The following LYPD6 variants were observed in gnomAD, a reference collection of about 807,000 sequenced individuals.
LYPD6 encodes the protein ly6/PLAUR domain-containing protein 6.
LYPD6 carries 15 observed loss-of-function variants against 22.7 expected under a neutral mutation model. That is an observed-to-expected ratio of 0.66 (90% CI 0.44 to 1.02). The LOEUF is 1.02. Ranked by LOEUF, LYPD6 falls within the 50% of genes least tolerant of loss-of-function variation. The probability of loss-of-function intolerance (pLI) is 0.00; values close to 1 mark genes in which losing one functional copy is unlikely to be tolerated. For synonymous variants in LYPD6, 72 were observed against 77.5 expected (o/e 0.93, Z 0.37); for missense variants, 189 against 208.4 (o/e 0.91, Z 0.57).
At chr2:149,426,265 C>A (rs2105138205) in intron 1 of LYPD6, among the ~76,000 whole-genome samples, 1 of 152,246 alleles carries the variant, frequency 6.6e-6, no homozygotes, top group East Asian at 1.9e-4. Context: ...ATTTCAAAGG[C>A]CAAATGGAAA....
intron 1 of LYPD6, among the ~76,000 whole-genome samples, chr2:149,372,891 A>G (rs759843332): frequency 8.5e-5 from 13 of 152,212 alleles, no homozygotes; most frequent in Admixed American, 3.3e-4. Flanking sequence ...AAAAATTTTC[A>G]TCTAGGGGTT....
intron 1 of LYPD6, among the ~76,000 whole-genome samples, chr2:149,422,813 C>A (rs1394137791): frequency 6.6e-6 from 1 of 152,112 alleles, no homozygotes; most frequent in Non-Finnish European, 1.5e-5. Flanking sequence ...TCTGTGAGTT[C>A]AACTTTTTTA....
At chr2:149,460,466 A>G (rs1304746481) in intron 3 of LYPD6, among the ~76,000 whole-genome samples, 3 of 152,162 alleles carry the variant, frequency 2.0e-5, no homozygotes, top group Non-Finnish European at 4.4e-5. Flanking sequence ...AGCATCACAT[A>G]ACAGAGCTGA....
At chr2:149,401,017 A>G (rs566876481) in intron 1 of LYPD6, among the ~76,000 whole-genome samples, 1 of 152,288 alleles carries the variant, frequency 6.6e-6, no homozygotes, top group South Asian at 2.1e-4. Flanking sequence ...TCTTATCTGT[A>G]TTTCAGGCAG....
chr2:149,403,435 A>G (rs1359459211), intron 1 of LYPD6, among the ~76,000 whole-genome samples: 1 of 150,020 alleles, frequency 6.7e-6, no homozygotes, highest in Non-Finnish European at 1.5e-5. Context: ...AACTGGTGTG[A>G]GATGGTATCT....
At chr2:149,409,967 C>G (rs554469306) in intron 1 of LYPD6, among the ~76,000 whole-genome samples, 2 of 152,288 alleles carry the variant, frequency 1.3e-5, no homozygotes, top group East Asian at 3.9e-4. Context: ...CTGGTGTGTT[C>G]CTGTGGTAGT....
chr2:149,458,875 A>G (rs1262133781), intron 3 of LYPD6, among the ~76,000 whole-genome samples: 2 of 152,186 alleles, frequency 1.3e-5, no homozygotes, highest in Non-Finnish European at 2.9e-5. Context: ...GAGCAATAAA[A>G]ATTATCCAAT....
chr2:149,475,484 C>T (rs74702232), downstream of LYPD6, among the ~76,000 whole-genome samples: 682 of 152,222 alleles, frequency 4.5e-3, 8 homozygotes, highest in African/African-American at 0.016. Context: ...ACAAAACCAA[C>T]GCAAATTTCC....
At chr2:149,432,631 G>A (rs370468286) in intron 1 of LYPD6, among the ~76,000 whole-genome samples, 130 of 152,244 alleles carry the variant, frequency 8.5e-4, no homozygotes, top group African/African-American at 3.0e-3. Flanking sequence ...ATCTTCTACC[G>A]TTGTGGTGTC....
intron 2 of LYPD6, among the ~76,000 whole-genome samples, chr2:149,448,754 AGTTT>A (rs1386640279): frequency 6.6e-6 from 1 of 152,232 alleles, no homozygotes; most frequent in Non-Finnish European, 1.5e-5. Flanking sequence ...GATGTCCAAC[AGTTT>A]GTTTAACCAT....
chr2:149,357,785 C>CTTTTTTTTTTTTTT (rs530498136), intron 1 of LYPD6, among the ~76,000 whole-genome samples: 1 of 127,426 alleles, frequency 7.8e-6, no homozygotes, highest in Non-Finnish European at 1.7e-5. Flanking sequence ...CTTTTCTTTG[C>CTTTTTTTTTTTTTT]TTTTTTTTTT....
chr2:149,463,422 C>T (rs1346713096), intron 3 of LYPD6, among the ~76,000 whole-genome samples: 3 of 152,224 alleles, frequency 2.0e-5, no homozygotes, highest in Non-Finnish European at 2.9e-5. Context: ...TCACTCAATA[C>T]GTTGTTGGTA....
At chr2:149,367,866 A>T (rs1681714530) in intron 1 of LYPD6, 2 of 152,212 alleles carry the variant, frequency 1.3e-5, no homozygotes. Flanking sequence ...GGTGTGTTAG[A>T]GGGAAAGGAA....
At chr2:149,354,502 G>C (rs1169823703) in intron 1 of LYPD6, among the ~76,000 whole-genome samples, 1 of 152,042 alleles carries the variant, frequency 6.6e-6, no homozygotes, top group Non-Finnish European at 1.5e-5. Flanking sequence ...CACCGCACCT[G>C]GCCTCCTATA....
At chr2:149,398,451 G>C (rs1682476342) in intron 1 of LYPD6, among the ~76,000 whole-genome samples, 2 of 151,454 alleles carry the variant, frequency 1.3e-5, no homozygotes, top group South Asian at 2.1e-4. Context: ...GTGTGTGTAT[G>C]TGTATGTGCA....
chr2:149,353,507 T>A (rs1169713263), intron 1 of LYPD6, among the ~76,000 whole-genome samples: 1 of 152,202 alleles, frequency 6.6e-6, no homozygotes, highest in Non-Finnish European at 1.5e-5. Flanking sequence ...TGCAGTTAAA[T>A]TCCTTTAATA....
At chr2:149,363,123 G>A (rs1421935812) in intron 1 of LYPD6, among the ~76,000 whole-genome samples, 1 of 152,130 alleles carries the variant, frequency 6.6e-6, no homozygotes, top group African/African-American at 2.4e-5. Context: ...CTATGCCAAG[G>A]TGCCATATTT....
At chr2:149,344,713 A>G (rs887096711) in intron 1 of LYPD6, among the ~76,000 whole-genome samples, 6 of 152,172 alleles carry the variant, frequency 3.9e-5, no homozygotes, top group African/African-American at 1.4e-4. Context: ...CTTGATGAGG[A>G]GCAGGTAAAA....
intron 3 of LYPD6, among the ~76,000 whole-genome samples, chr2:149,450,179 A>T (rs1683776452): frequency 6.6e-6 from 1 of 152,218 alleles, no homozygotes; most frequent in South Asian, 2.1e-4. Context: ...TGTCTAGACC[A>T]GTGGTTTTCA....
Sources: gnomAD v4.1 joint callset for allele counts (sites outside exome capture counted in the v4.1 genomes callset) on GRCh38, gnomAD v4.1.1 for gene constraint, MANE v1.5 for transcripts, NCBI Gene and HGNC (gene_info 2026-07-23, HGNC 2026-07-21) for gene names.